The following GPD2 variants were observed in gnomAD, a reference collection of about 807,000 sequenced individuals.
GPD2 encodes the protein glycerol-3-phosphate dehydrogenase 2.
A neutral mutation model predicts 82.4 loss-of-function variants in GPD2; 54 were observed. The observed-to-expected ratio is 0.66, with a 90% CI of 0.53 to 0.82. GPD2 has a LOEUF of 0.82. GPD2 is among the 40% of genes least tolerant of loss of function. The probability of loss-of-function intolerance (pLI) is 0.00; values close to 1 mark genes in which losing one functional copy is unlikely to be tolerated. For missense variants in GPD2, 748 were observed against 896.2 expected (o/e 0.83, Z 2.11); for synonymous variants, 288 against 306.1 (o/e 0.94, Z 0.62).
intron 2 of GPD2, among the ~76,000 whole-genome samples, chr2:156,478,772 A>G (rs964591127): frequency 1.1e-4 from 16 of 152,186 alleles, no homozygotes; most frequent in African/African-American, 3.9e-4. Flanking sequence ...ATTTTTCTGC[A>G]GAGTGATGTT....
intron 6 of GPD2, among the ~76,000 whole-genome samples, chr2:156,523,211 C>T (rs919996763): frequency 5.9e-5 from 9 of 152,222 alleles, no homozygotes; most frequent in South Asian, 4.1e-4. Context: ...TGAATAGTTT[C>T]GCTGGCCTAA....
At chr2:156,443,337 T>C (rs1298060316) in intron 1 of GPD2, among the ~76,000 whole-genome samples, 2 of 152,326 alleles carry the variant, frequency 1.3e-5, no homozygotes, top group East Asian at 3.9e-4. Context: ...TTACACAATT[T>C]TGTAGACCTC....
At chr2:156,504,480 A>T (rs181674926) in intron 3 of GPD2, among the ~76,000 whole-genome samples, 3 of 151,998 alleles carry the variant, frequency 2.0e-5, no homozygotes, top group African/African-American at 7.2e-5. Flanking sequence ...AGCATCTTAA[A>T]TTTTTTGATT....
intron 6 of GPD2, among the ~76,000 whole-genome samples, chr2:156,525,168 C>T (rs910268358): frequency 1.3e-5 from 2 of 152,126 alleles, no homozygotes; most frequent in Non-Finnish European, 2.9e-5. Flanking sequence ...TGAGGGGAAG[C>T]TTGTCAACAT....
At chr2:156,436,063 C>T (rs1029908741), upstream of GPD2, among the ~76,000 whole-genome samples, 6 of 152,350 alleles carry the variant, frequency 3.9e-5, no homozygotes, top group African/African-American at 1.4e-4. Context: ...CGCGACCCCA[C>T]CCGGCGGCAG....
chr2:156,515,074 A>G (rs986634320), intron 6 of GPD2, among the ~76,000 whole-genome samples: 2 of 152,260 alleles, frequency 1.3e-5, no homozygotes, highest in East Asian at 1.9e-4. Flanking sequence ...TTAGGCACTA[A>G]CCAATTTTAT....
intron 1 of GPD2, among the ~76,000 whole-genome samples, chr2:156,459,672 G>C (rs547339956): frequency 1.3e-3 from 85 of 65,978 alleles, no homozygotes; most frequent in African/African-American, 4.4e-3. Flanking sequence ...TGGCGACAGA[G>C]CAAGACTCCG....
chr2:156,505,052 A>G (rs371715315), intron 3 of GPD2, among the ~76,000 whole-genome samples: 3 of 152,122 alleles, frequency 2.0e-5, no homozygotes, highest in East Asian at 1.9e-4. Flanking sequence ...CTTCTGTTCT[A>G]TTTCATGTTG....
At chr2:156,429,492 G>C in the GPD2 span, among the ~76,000 whole-genome samples, 1 of 152,254 alleles carries the variant, frequency 6.6e-6, no homozygotes, top group African/African-American at 2.4e-5. Flanking sequence ...CTGTCCCAGG[G>C]ACAAAGTGGA....
intron 1 of GPD2, among the ~76,000 whole-genome samples, chr2:156,462,490 C>T (rs1196866111): frequency 2.9e-5 from 4 of 139,200 alleles, no homozygotes; most frequent in Admixed American, 7.6e-5. Context: ...TTAGTAGAGA[C>T]GGGGTTTCTC....
At chr2:156,545,558 T>C (rs1263306684) in intron 6 of GPD2, among the ~76,000 whole-genome samples, 1 of 152,208 alleles carries the variant, frequency 6.6e-6, no homozygotes, top group Non-Finnish European at 1.5e-5. Flanking sequence ...GAGAAGTACT[T>C]TTTCTAACAA....
chr2:156,563,962 C>A (rs62176618), intron 9 of GPD2, among the ~76,000 whole-genome samples: 10,411 of 152,122 alleles, frequency 0.068, 479 homozygotes, highest in Non-Finnish European at 0.1. Context: ...TAATGGCTAG[C>A]GAATTGGATC....
chr2:156,566,445 A>G (rs1246108455), intron 9 of GPD2, among the ~76,000 whole-genome samples: 2 of 152,132 alleles, frequency 1.3e-5, no homozygotes, highest in East Asian at 1.9e-4. Context: ...GAGTACGCCA[A>G]GTACCTCATA....
chr2:156,422,332 G>T, the GPD2 span, among the ~76,000 whole-genome samples: 2 of 152,140 alleles, frequency 1.3e-5, no homozygotes, highest in Non-Finnish European at 2.9e-5. Context: ...AGGAAACAAA[G>T]ATATTCAAAG....
chr2:156,495,430 G>A (rs1365367601), intron 2 of GPD2: 1 of 228,348 alleles, frequency 4.4e-6, no homozygotes, highest in Admixed American at 5.5e-5. Flanking sequence ...AAAATATTTA[G>A]TATGGAAGTC....
chr2:156,401,283 ATC>A, the GPD2 span, among the ~76,000 whole-genome samples: 1 of 152,330 alleles, frequency 6.6e-6, no homozygotes, highest in East Asian at 1.9e-4. Flanking sequence ...TCTCTAAACA[ATC>A]ACGTATTTGT....
rs544068478 is a variant in GPD2, at chr2:156,459,794, C to CT, written c.-8-16303dup. ...GGGAAGTCTGATGGCTTTGTTCAGG[C>CT]TGAGACTATCGTAGGGTAGACTGAC... is the stretch of plus-strand genomic sequence containing the variant. On this transcript the variant is annotated intron_variant, in intron 1 of 16. Transcript: ENST00000438166. Among the ~76,000 whole-genome samples, 508 of 150,902 alleles carry CT rather than the reference C, an allele frequency of 3.4e-3. 10 individuals are homozygous for CT. The highest frequency in any genetic ancestry group is 0.012 in the African/African-American group (488 of 41,132).
the GPD2 span, among the ~76,000 whole-genome samples, chr2:156,416,432 T>C: frequency 6.6e-6 from 1 of 151,730 alleles, no homozygotes; most frequent in Non-Finnish European, 1.5e-5. Flanking sequence ...ATTGTAACCT[T>C]GACTTCTCAG....
At chr2:156,452,257 G>A (rs1039612743) in intron 1 of GPD2, among the ~76,000 whole-genome samples, 1 of 152,246 alleles carries the variant, frequency 6.6e-6, no homozygotes, top group Non-Finnish European at 1.5e-5. Context: ...ACTCCAGCCT[G>A]GGCACCATTG....
Sources: gnomAD v4.1 joint callset for allele counts (sites outside exome capture counted in the v4.1 genomes callset) on GRCh38, gnomAD v4.1.1 for gene constraint, MANE v1.5 for transcripts, NCBI Gene and HGNC (gene_info 2026-07-23, HGNC 2026-07-21) for gene names.